CUX2: variants seen among roughly 807,000 people sequenced by gnomAD.
CUX2 encodes homeobox protein cut-like 2.
A neutral mutation model predicts 144.8 loss-of-function variants in CUX2; 40 were observed. The ratio of observed to expected loss-of-function variants is 0.28; its 90% CI spans 0.21 to 0.36. CUX2 has a LOEUF of 0.36. Among genes scored for constraint, CUX2 ranks in the 10% least tolerant of loss-of-function variants. The pLI, the probability that CUX2 is intolerant of heterozygous loss-of-function variation, is 1.00. For synonymous variants in CUX2, 827 were observed against 875.6 expected (o/e 0.94, Z 0.98); for missense variants, 1,615 against 1,994.0 (o/e 0.81, Z 3.62).
chr12:111,158,983 G>T (rs942015534), intron 1 of CUX2, among the ~76,000 whole-genome samples: 1 of 152,124 alleles, frequency 6.6e-6, no homozygotes, highest in Non-Finnish European at 1.5e-5. Flanking sequence ...ACAGAGGGGC[G>T]CAGGAAATGG....
intron 1 of CUX2, among the ~76,000 whole-genome samples, chr12:111,089,787 G>A (rs1872453329): frequency 6.6e-6 from 1 of 152,200 alleles, no homozygotes. Context: ...TGTAACCAGA[G>A]CATTCATGCT....
chr12:111,034,686 C>A lies in CUX2; in HGVS notation c.63+446C>A, dbSNP rs1869329423. On this transcript the variant is annotated intron_variant, in intron 1 of 21. Transcript: ENST00000261726. This position sits in a 1 kb window ranked among gnomAD's most constrained non-coding sequence, Gnocchi z 4.2. ...AGTCCGCACCCGGCTGGGGCTCCGG[C>A]GAGGGAGGGAGGGAGCTGGCGGGCA... Among the ~76,000 whole-genome samples the A allele has an allele frequency of 6.6e-6, 1 of 150,826 alleles. No homozygotes were observed. Among genetic ancestry groups the A allele is most frequent in the Non-Finnish European group, 1.5e-5 (1 of 67,642 alleles).
At position 111,130,115 on chromosome 12, in the gene CUX2, G is replaced by C. The variant is rs139403000; in HGVS notation, c.64-84085G>C. On this transcript the variant is annotated intron_variant, in intron 1 of 21. Transcript: ENST00000261726. ...GGTAAAAGGCTGCAGGTTCCTTTGT[G>C]GGGGGCTGGGAGAAAAATTAACAGT... Among the ~76,000 whole-genome samples, 855 of 152,254 alleles carry C rather than the reference G, an allele frequency of 5.6e-3. 6 individuals are homozygous for C. Among genetic ancestry groups the C allele is most frequent in the South Asian group, 0.019 (90 of 4,818 alleles).
At chr12:111,051,231 G>A (rs1336614927) in intron 1 of CUX2, among the ~76,000 whole-genome samples, 1 of 152,100 alleles carries the variant, frequency 6.6e-6, no homozygotes, top group Non-Finnish European at 1.5e-5. Context: ...AGCATGGACT[G>A]GTCACTGCCC....
chr12:111,047,308 A>G (rs1185041802), intron 1 of CUX2, among the ~76,000 whole-genome samples: 1 of 152,228 alleles, frequency 6.6e-6, no homozygotes, highest in Admixed American at 6.5e-5. Flanking sequence ...TTGATAAAGA[A>G]GGAAGGAGAT....
chr12:111,067,139 C>T (rs904690905), intron 1 of CUX2, among the ~76,000 whole-genome samples: 2 of 152,152 alleles, frequency 1.3e-5, no homozygotes, highest in African/African-American at 4.8e-5. Flanking sequence ...CTGTAGTGAC[C>T]TTTCTTCATG....
At chr12:111,291,284 A>C in intron 4 of CUX2, 134 bp from the exon 5 acceptor site, 1 of 1,087,338 alleles carries the variant, frequency 9.2e-7, no homozygotes, top group Non-Finnish European at 1.3e-6. Flanking sequence ...TAGAGCAGAA[A>C]GTCCATGCTA....
chr12:111,124,067 T>C (rs1458738849), intron 1 of CUX2, among the ~76,000 whole-genome samples: 2 of 152,160 alleles, frequency 1.3e-5, no homozygotes, highest in Non-Finnish European at 2.9e-5. Context: ...CATAGTGTTG[T>C]GCCACCATCA....
intron 1 of CUX2, among the ~76,000 whole-genome samples, chr12:111,121,315 G>C (rs1042056188): frequency 6.6e-6 from 1 of 150,934 alleles, no homozygotes; most frequent in Non-Finnish European, 1.5e-5. Context: ...AAACTAGAAG[G>C]CAGATTCTGA....
chr12:111,296,682 AC>A, intron 8 of CUX2, 143 bp downstream of exon 8: 6 of 529,090 alleles, frequency 1.1e-5, no homozygotes, highest in Non-Finnish European at 2.0e-5. Context: ...ACTTGCCTCC[AC>A]CCTCTGGCCA....
At chr12:111,145,771 A>G (rs546739506) in intron 1 of CUX2, among the ~76,000 whole-genome samples, 5 of 152,036 alleles carry the variant, frequency 3.3e-5, no homozygotes, top group African/African-American at 9.6e-5. Context: ...GGTTCAAGCA[A>G]TTCTCCTGCC....
intron 1 of CUX2, among the ~76,000 whole-genome samples, chr12:111,203,535 A>ACT (rs1158337720): frequency 1.4e-5 from 2 of 147,760 alleles, no homozygotes; most frequent in African/African-American, 5.0e-5. Flanking sequence ...ACAGAGCAAG[A>ACT]CTCTCTCTCA....
chr12:111,314,639 TAAAAAAAAAAAAA>T (rs954472479), intron 16 of CUX2, among the ~76,000 whole-genome samples: 14 of 23,238 alleles, frequency 6.0e-4, no homozygotes, highest in East Asian at 1.8e-3. Flanking sequence ...AAACTCAGTC[TAAAAAAAAAAAAA>T]AAAAAAAAAA....
At chr12:111,151,395 A>G (rs1446772297) in intron 1 of CUX2, among the ~76,000 whole-genome samples, 1 of 152,234 alleles carries the variant, frequency 6.6e-6, no homozygotes, top group Non-Finnish European at 1.5e-5. Flanking sequence ...AGCCATATGC[A>G]CTACTTTCAG....
At chr12:111,200,657 G>A (rs1167174834) in intron 1 of CUX2, among the ~76,000 whole-genome samples, 5 of 152,156 alleles carry the variant, frequency 3.3e-5, no homozygotes, top group Admixed American at 6.5e-5. Flanking sequence ...ACTTGGCTCA[G>A]TGTCTTCAGA....
chr12:111,041,941 A>G (rs984168043), intron 1 of CUX2, among the ~76,000 whole-genome samples: 2 of 152,174 alleles, frequency 1.3e-5, no homozygotes, highest in African/African-American at 2.4e-5. Flanking sequence ...GCTTCTTCCC[A>G]GGAGCCCACA....
chr12:111,079,492 A>G (rs1369837399), intron 1 of CUX2, among the ~76,000 whole-genome samples: 1 of 151,966 alleles, frequency 6.6e-6, no homozygotes, highest in Non-Finnish European at 1.5e-5. Flanking sequence ...GCCCCTTCCC[A>G]GGCCCTGACC....
chr12:111,201,101 T>G (rs1008308492), intron 1 of CUX2, among the ~76,000 whole-genome samples: 3 of 151,528 alleles, frequency 2.0e-5, no homozygotes, highest in Non-Finnish European at 3.0e-5. Context: ...TTTGAGGGCC[T>G]CCCCTCTCAA....
chr12:111,243,406 T>A (rs1479081561), intron 3 of CUX2, among the ~76,000 whole-genome samples: 1 of 151,118 alleles, frequency 6.6e-6, no homozygotes, highest in East Asian at 2.0e-4. Context: ...AAATACCCAG[T>A]GTCCCTGGTT....
Sources: gnomAD v4.1 joint callset for allele counts (sites outside exome capture counted in the v4.1 genomes callset) on GRCh38, gnomAD v4.1.1 for gene constraint, Gnocchi (gnomAD v3.1) non-coding constraint, MANE v1.5 for transcripts, NCBI Gene and HGNC (gene_info 2026-07-23, HGNC 2026-07-21) for gene names.